MRPL19: variants seen among roughly 807,000 people sequenced by gnomAD.
MRPL19 encodes mitochondrial ribosomal protein L19.
Under a neutral mutation model 34.0 loss-of-function variants are expected in MRPL19, and 31 were observed. That is an observed-to-expected ratio of 0.91 (90% CI 0.68 to 1.23). The LOEUF (loss-of-function observed/expected upper bound fraction) is 1.23, where lower values mean the gene tolerates loss of function less well. Ranked by LOEUF, MRPL19 falls within the 50% of genes most tolerant of loss-of-function variation. The pLI is 0.00. For synonymous variants in MRPL19, 152 were observed against 127.7 expected, an observed-to-expected ratio of 1.19 and a Z score of -1.28; for missense variants, 384 against 367.6, an observed-to-expected ratio of 1.04 and a Z score of -0.37.
rs1182077375 is a variant in MRPL19, at chr2:75,656,135, CTG to C, written c.*852_*853del. 6.6e-6 allele frequency: 1 copy of C among 152,190 alleles called. No individual in the cohort carries two copies. The highest frequency in any genetic ancestry group is 1.5e-5 in the Non-Finnish European group (1 of 68,038). The allele number at this position is 152,190 out of a possible 1,614,324, so 9.4% of individuals were successfully genotyped here. ...CAGAAATGTGGTTAGAGGAAGTAAA[CTG>C]TTTTTTGATGCTCACAGCATGATGA... On this transcript the variant is annotated 3_prime_UTR_variant, in exon 6 of 6. Transcript: ENST00000393909.
rs890683184 is a variant in MRPL19, at chr2:75,658,753, C to T, written c.*3468C>T. Among the ~76,000 whole-genome samples, 1 of 152,058 alleles carries T rather than the reference C, an allele frequency of 6.6e-6. No individual in the cohort carries two copies. Among genetic ancestry groups the T allele is most frequent in the Non-Finnish European group, 1.5e-5 (1 of 67,990 alleles). On this transcript the variant is annotated 3_prime_UTR_variant, in exon 6 of 6. Transcript: ENST00000393909. ...TGTCCTGGAGAATGTTCCTCATACA[C>T]TTGAGCAAAATATTTATCATGCTAT...
rs1202626476 is a variant in MRPL19, at chr2:75,661,626, T to C, written c.*6341T>C. On this transcript the variant is annotated 3_prime_UTR_variant, in exon 6 of 6. Transcript: ENST00000393909. ...TATTCGAAGGATTAGAAAAATGATA[T>C]ATCTTTCACTTTTTCAGGGATAGGC... is the stretch of plus-strand genomic sequence containing the variant. The C allele has an allele frequency of 2.0e-5, 3 of 152,182 alleles. No individual in the cohort carries two copies. The highest frequency in any genetic ancestry group is 7.2e-5 in the African/African-American group (3 of 41,454). The allele number at this position is 152,182 out of a possible 1,614,324, so 9.4% of individuals were successfully genotyped here. A position where few individuals can be genotyped will look rare whatever the true frequency, so the allele number is the denominator to read the frequency against.
Position 75,646,925 on chromosome 2 carries a change from A to G in MRPL19, c.103+15A>G. 6.4e-7 allele frequency: 1 copy of G among 1,563,118 alleles called. No homozygotes were observed. Among genetic ancestry groups the G allele is most frequent in the Non-Finnish European group, 8.7e-7 (1 of 1,155,450 alleles). On this transcript the variant is annotated intron_variant, in intron 1 of 5. Coordinates refer to ENST00000393909, the MANE Select transcript of MRPL19 (RefSeq NM_014763.4). ...TATCGCCTGCAGTAAGTGGAGCCGG[A>G]CTTGCGAGCTGGGGCGCGTTAGGGG... is the stretch of plus-strand genomic sequence containing the variant.
chr2:75,652,033 TGAA>T, intron 2 of MRPL19, 106 bp from the exon 3 acceptor site: 2 of 593,908 alleles, frequency 3.4e-6, no homozygotes, highest in Non-Finnish European at 5.8e-6. Flanking sequence ...ATTTAGACAA[TGAA>T]GAATAAAATA....
intron 4 of MRPL19, 80 bp from the exon 5 acceptor site, chr2:75,654,656 T>G (rs544354803): frequency 1.5e-6 from 2 of 1,321,500 alleles, no homozygotes; most frequent in African/African-American, 3.0e-5. Context: ...AATTCCTTTA[T>G]GAAATGCTTT....
At chr2:75,647,306 G>A in intron 2 of MRPL19, 87 bp downstream of exon 2, 1 of 1,263,406 alleles carries the variant, frequency 7.9e-7, no homozygotes, top group South Asian at 1.4e-5. Flanking sequence ...CTCTAAGGTG[G>A]GGGCTGCACC....
chr2:75,648,864 G>T (rs1419221266), intron 2 of MRPL19, among the ~76,000 whole-genome samples: 1 of 152,170 alleles, frequency 6.6e-6, no homozygotes, highest in Admixed American at 6.5e-5. Context: ...GCAAGACTCT[G>T]TCTCAGAAAA....
At position 75,660,989 on chromosome 2, in the gene MRPL19, A is replaced by G. The variant is rs750143928; in HGVS notation, c.*5704A>G. On this transcript the variant is annotated 3_prime_UTR_variant, in exon 6 of 6. Coordinates refer to ENST00000393909, the MANE Select transcript of MRPL19 (RefSeq NM_014763.4). ...GTTTGCGGTTGTTAGTTCACCTTAC[A>G]CTTTTTTCAAGCATTGCCTACTGCT... 1 of 152,092 alleles carries G rather than the reference A, an allele frequency of 6.6e-6. No individual in the cohort carries two copies. The highest frequency in any genetic ancestry group is 1.5e-5 in the Non-Finnish European group (1 of 68,024). The allele number at this position is 152,092 out of a possible 1,614,324, so 9.4% of individuals were successfully genotyped here.
chr2:75,655,361 C>A lies in MRPL19; in HGVS notation c.*76C>A. 9.4e-7 allele frequency: 1 copy of A among 1,067,068 alleles called. No individual in the cohort carries two copies. Among genetic ancestry groups the A allele is most frequent in the Non-Finnish European group, 1.4e-6 (1 of 729,702 alleles). The allele number at this position is 1,067,068 out of a possible 1,614,324, so 66.1% of individuals were successfully genotyped here. A position where few individuals can be genotyped will look rare whatever the true frequency, so the allele number is the denominator to read the frequency against. ...ATATATTTTGAGACCAATTTAATTT[C>A]ATTTATAAGAACATAGTAATTAAGT... On this transcript the variant is annotated 3_prime_UTR_variant, in exon 6 of 6. Transcript: ENST00000393909.
intron 1 of MRPL19, 25 bp downstream of exon 1, chr2:75,646,935 T>G (rs1412235946): frequency 6.5e-7 from 1 of 1,547,166 alleles, no homozygotes; most frequent in African/African-American, 1.4e-5. Flanking sequence ...ACTTGCGAGC[T>G]GGGGCGCGTT....
Position 75,647,108 on chromosome 2 carries a change from A to C in MRPL19, c.110A>C (p.His37Pro), listed in dbSNP as rs752896158. 1.3e-6 allele frequency: 2 copies of C among 1,585,158 alleles called. No individual in the cohort carries two copies. The highest frequency in any genetic ancestry group is 1.3e-5 in the African/African-American group (1 of 74,512). ...CCGTCGTCCGCTCCCGCAGGGGTCC[A>C]CGCGGGGCCTGTCCGGCAGCAGAGC... Reference protein sequence around the residue: ...PPPASIACRVHAGPVRQQSTG... With the variant: ...PPPASIACRVPAGPVRQQSTG... The change falls in exon 2 of 6, where the codon CAC becomes CCC. Residue 37 changes from histidine (H) to proline (P), a missense_variant. Physicochemically the swap from His to Pro is moderately conservative, Grantham distance 77 (BLOSUM62 -2). Coordinates refer to ENST00000393909, the MANE Select transcript of MRPL19 (RefSeq NM_014763.4).
intron 5 of MRPL19, 31 bp from the exon 6 acceptor site, chr2:75,655,033 T>A: frequency 1.5e-6 from 1 of 674,448 alleles, no homozygotes; most frequent in Non-Finnish European, 2.0e-6. Context: ...ATTATTGCTT[T>A]TTTTTTTTTT....
At chr2:75,652,460 A>T in intron 3 of MRPL19, 63 bp from the exon 4 acceptor site, 1 of 1,561,874 alleles carries the variant, frequency 6.4e-7, no homozygotes, top group Non-Finnish European at 8.7e-7. Flanking sequence ...TGCATCTTAT[A>T]TAAAGTTTAC....
intron 2 of MRPL19, among the ~76,000 whole-genome samples, chr2:75,649,194 G>A (rs932495912): frequency 1.3e-5 from 2 of 152,192 alleles, no homozygotes; most frequent in African/African-American, 4.8e-5. Flanking sequence ...TTGGAAAAAA[G>A]TCCTAGTCTG....
rs184299468 is a variant in MRPL19 at position 75,661,662 on chromosome 2, A to C, written c.*6377A>C. The stretch of plus-strand genomic sequence containing the variant: ...TTTTCAGGGATAGGCTCCTCATTAG[A>C]AGGCTCCTATGTGCCGATGCTGTAC... On this transcript the variant is annotated 3_prime_UTR_variant, in exon 6 of 6. Transcript: ENST00000393909. 4 of 152,242 alleles carry C rather than the reference A, an allele frequency of 2.6e-5. No homozygotes were observed. The East Asian group carries it at 7.7e-4, about 29-fold the overall frequency. 9.4% of individuals were successfully genotyped at this position (152,242 alleles called of 1,614,324 possible). A position where few individuals can be genotyped will look rare whatever the true frequency, so the allele number is the denominator to read the frequency against.
rs772487566 is a variant in MRPL19 at position 75,652,255 on chromosome 2, A to T, written c.335A>T (p.Tyr112Phe). ...RRKVLHIPEF[Y>F]VGSILRVTTA... ...AAAGTACTCCACATTCCAGAGTTCTATGTTGGTCAGTAAGAGCTGTATGTT... is the reference window on the plus strand; with the variant it reads ...AAAGTACTCCACATTCCAGAGTTCTTTGTTGGTCAGTAAGAGCTGTATGTT... The change falls in exon 3 of 6, where the codon TAT becomes TTT. Residue 112 changes from tyrosine to phenylalanine, a missense_variant. Physicochemically the swap from Tyr to Phe is conservative, Grantham distance 22. Coordinates refer to ENST00000393909, the MANE Select transcript of MRPL19 (RefSeq NM_014763.4). The T allele has an allele frequency of 6.5e-7, 1 of 1,548,538 alleles. No homozygotes were observed. Among genetic ancestry groups the T allele is most frequent in the Non-Finnish European group, 8.8e-7 (1 of 1,132,878 alleles).
At chr2:75,647,296 C>A in intron 2 of MRPL19, 77 bp downstream of exon 2, 1 of 1,393,232 alleles carries the variant, frequency 7.2e-7, no homozygotes, top group Non-Finnish European at 9.8e-7. Flanking sequence ...GAGGTCCCGG[C>A]TCTAAGGTGG....
chr2:75,648,950 A>AG lies in MRPL19; in HGVS notation c.221+1737dup, dbSNP rs545081369. Among the ~76,000 whole-genome samples the AG allele has an allele frequency of 3.3e-5, 5 of 152,348 alleles. 1 individual carries two copies. In the South Asian group the frequency reaches 6.2e-4, roughly 19 times the overall value. ...CATATGAAAAGTAAAAAGAAATGTA[A>AG]GGGGGGCCTTCTGAAACTTTGCCAA... On this transcript the variant is annotated intron_variant, in intron 2 of 5. Coordinates refer to ENST00000393909, the MANE Select transcript of MRPL19 (RefSeq NM_014763.4).
intron 4 of MRPL19, among the ~76,000 whole-genome samples, chr2:75,654,231 T>G (rs189973813): frequency 5.1e-4 from 78 of 152,208 alleles, no homozygotes; most frequent in African/African-American, 1.7e-3. Flanking sequence ...CCTCACATGG[T>G]GAAAGGTGGA....
Sources: gnomAD v4.1 joint callset for allele counts (sites outside exome capture counted in the v4.1 genomes callset) on GRCh38, gnomAD v4.1.1 for gene constraint, MANE v1.5 for transcripts, NCBI Gene and HGNC (gene_info 2026-07-23, HGNC 2026-07-21) for gene names.